Variants in BMP6 observed in about 807,000 individuals in gnomAD.
BMP6 encodes VG-1-R.
Under a neutral mutation model 54.1 loss-of-function variants are expected in BMP6, and 17 were observed. That is an observed-to-expected ratio of 0.31 (90% CI 0.22 to 0.47). BMP6 has a LOEUF of 0.47. Among genes scored for constraint, BMP6 ranks in the 20% least tolerant of loss-of-function variants. The pLI is 1.00. For synonymous variants in BMP6, 328 were observed against 291.2 expected (o/e 1.13, Z -1.28); for missense variants, 720 against 690.4 (o/e 1.04, Z -0.48).
At chr6:7,775,979 A>G (rs1406979134) in intron 1 of BMP6, among the ~76,000 whole-genome samples, 1 of 152,228 alleles carries the variant, frequency 6.6e-6, no homozygotes, top group African/African-American at 2.4e-5. Flanking sequence ...CTCTACGTCC[A>G]TACCACCCTG....
intron 1 of BMP6, among the ~76,000 whole-genome samples, chr6:7,760,002 G>T (rs1277935292): frequency 1.3e-5 from 2 of 150,336 alleles, no homozygotes; most frequent in African/African-American, 2.4e-5. Context: ...ACTACACCTG[G>T]CCTCTTTCTT....
chr6:7,744,793 G>C (rs1308669127), intron 1 of BMP6, among the ~76,000 whole-genome samples: 1 of 152,102 alleles, frequency 6.6e-6, no homozygotes, highest in Non-Finnish European at 1.5e-5. Flanking sequence ...TTCCTTTCTG[G>C]GATGCCCCAG....
In BMP6 at chr6:7,881,468, T is replaced by C. The variant is rs1321927242; in HGVS notation, c.*1125T>C. 6.6e-6 allele frequency: 1 copy of C among 152,644 alleles called. No homozygotes were observed. Among genetic ancestry groups the C allele is most frequent in the Admixed American group, 6.5e-5 (1 of 15,286 alleles). The allele number at this position is 152,644 out of a possible 1,614,324, so 9.5% of individuals were successfully genotyped here. On this transcript the variant is annotated 3_prime_UTR_variant, in exon 7 of 7. Transcript: ENST00000283147. ...TTTTGTAAATATAAACTATAATTTATTGTCTATTTTATATCTGTTTTGCTG... is the reference window on the plus strand; with the variant it reads ...TTTTGTAAATATAAACTATAATTTACTGTCTATTTTATATCTGTTTTGCTG...
intron 1 of BMP6, among the ~76,000 whole-genome samples, chr6:7,770,234 C>T (rs1250463615): frequency 6.6e-6 from 1 of 152,118 alleles, no homozygotes; most frequent in African/African-American, 2.4e-5. Context: ...TAAGCCACAT[C>T]CTGTTTTTAA....
chr6:7,861,735 TGA>T, intron 3 of BMP6, 136 bp downstream of exon 3: 1 of 1,292,852 alleles, frequency 7.7e-7, no homozygotes, highest in East Asian at 2.4e-5. Context: ...TGATCCCCCA[TGA>T]CTTGCATTGA....
At chr6:7,870,949 C>A (rs934691408) in intron 4 of BMP6, among the ~76,000 whole-genome samples, 1 of 152,216 alleles carries the variant, frequency 6.6e-6, no homozygotes, top group Non-Finnish European at 1.5e-5. Context: ...CTTTAGAGTT[C>A]ATCTCCATCC....
chr6:7,878,939 G>T (rs1284609180), intron 4 of BMP6, 135 bp from the exon 5 acceptor site: 29 of 835,434 alleles, frequency 3.5e-5, no homozygotes, highest in East Asian at 2.4e-4. Context: ...GTAGCTGTTG[G>T]GTGACCATAC....
In BMP6 at chr6:7,881,055, T is replaced by TA. The variant is rs1759714041; in HGVS notation, c.*714dup. On this transcript the variant is annotated 3_prime_UTR_variant, in exon 7 of 7. Transcript: ENST00000283147. ...CTGAGGTGAGGCTACAAGGGGTGTG[T>TA]AACCGTGTAACACGTGAAGGCAATG... 1 of 152,574 alleles carries TA rather than the reference T, an allele frequency of 6.6e-6. No individual in the cohort carries two copies. The highest frequency in any genetic ancestry group is 6.5e-5 in the Admixed American group (1 of 15,326). 9.5% of individuals were successfully genotyped at this position (152,574 alleles called of 1,614,324 possible). A position where few individuals can be genotyped will look rare whatever the true frequency, so the allele number is the denominator to read the frequency against.
At chr6:7,836,110 T>G (rs1460295726) in intron 1 of BMP6, among the ~76,000 whole-genome samples, 1 of 152,116 alleles carries the variant, frequency 6.6e-6, no homozygotes, top group Non-Finnish European at 1.5e-5. Context: ...AGTGCTGGAA[T>G]TACCCGTGTG....
Position 7,727,236 on chromosome 6 carries a change from G to GGCCCCT in BMP6, c.284_289dup (p.Pro95_Leu96dup), listed in dbSNP as rs751662817. Reference sequence around the variant, plus strand: ...GTGCTGGGGCTCCCGCACCGGCCCCGGCCCCTGCACGGCCTCCAACAGCCG... The same window carrying GGCCCCT: ...GTGCTGGGGCTCCCGCACCGGCCCCGGCCCCTGCCCCTGCACGGCCTCCAACAGCCG... On this transcript the variant is annotated inframe_insertion, in exon 1 of 7. Transcript: ENST00000283147. 8.7e-6 allele frequency: 14 copies of GGCCCCT among 1,606,406 alleles called. No homozygotes were observed. Among genetic ancestry groups the GGCCCCT allele is most frequent in the Non-Finnish European group, 1.2e-5 (14 of 1,177,180 alleles).
intron 4 of BMP6, 51 bp downstream of exon 4, chr6:7,862,549 A>G: frequency 6.2e-7 from 1 of 1,603,836 alleles, no homozygotes; most frequent in Non-Finnish European, 8.5e-7. Context: ...GGCCTCAGTG[A>G]GAACAAAAGT....
intron 1 of BMP6, among the ~76,000 whole-genome samples, chr6:7,833,398 G>C (rs1276732342): frequency 6.6e-6 from 1 of 152,190 alleles, no homozygotes; most frequent in Non-Finnish European, 1.5e-5. Context: ...ATTTAGGGTG[G>C]CAGGGTAGAC....
chr6:7,820,834 A>G (rs1195297314), intron 1 of BMP6, among the ~76,000 whole-genome samples: 2 of 152,106 alleles, frequency 1.3e-5, no homozygotes, highest in Non-Finnish European at 1.5e-5. Context: ...TTTGGGATGA[A>G]ACTGTTCTAC....
chr6:7,842,983 T>C (rs1308892003), intron 1 of BMP6, among the ~76,000 whole-genome samples: 2 of 152,248 alleles, frequency 1.3e-5, no homozygotes, highest in Non-Finnish European at 2.9e-5. Flanking sequence ...GACTGTTTTT[T>C]AGAAAGTCTC....
At chr6:7,788,506 C>G (rs112924062) in intron 1 of BMP6, among the ~76,000 whole-genome samples, 1 of 151,940 alleles carries the variant, frequency 6.6e-6, no homozygotes, top group Non-Finnish European at 1.5e-5. Context: ...GTTTTTATGC[C>G]GAGAACTAAA....
In BMP6 at chr6:7,727,369, T is replaced by G; in HGVS notation, c.414T>G (p.Asp138Glu). ...AGTCCGCGCCCCTCTTCATGCTGGA[T>G]CTGTACAACGCCCTGTCCGCCGACA... ...RLKSAPLFML[D>E]LYNALSADND... The change falls in exon 1 of 7, where the codon GAT (aspartate) becomes GAG (glutamate). Residue 138 changes from aspartate (D) to glutamate (E), a missense_variant. Physicochemically the swap from Asp to Glu is conservative, Grantham distance 45. Coordinates refer to ENST00000283147, the MANE Select transcript of BMP6 (RefSeq NM_001718.6). 1 of 1,609,876 alleles carries G rather than the reference T, an allele frequency of 6.2e-7. No homozygotes were observed. The highest frequency in any genetic ancestry group is 8.5e-7 in the Non-Finnish European group (1 of 1,178,836).
chr6:7,735,988 T>C (rs1761950718), intron 1 of BMP6, among the ~76,000 whole-genome samples: 2 of 152,142 alleles, frequency 1.3e-5, no homozygotes, highest in Non-Finnish European at 2.9e-5. Flanking sequence ...ATAAAATACC[T>C]CAGTTGAAGA....
Position 7,741,790 on chromosome 6 carries a change from C to T in BMP6, c.664+14171C>T, listed in dbSNP as rs75546228. Among the ~76,000 whole-genome samples, 1,410 of 152,336 alleles carry T rather than the reference C, an allele frequency of 9.3e-3. 26 individuals carry two copies. The highest frequency in any genetic ancestry group is 0.025 in the African/African-American group (1,020 of 41,576). On this transcript the variant is annotated intron_variant, in intron 1 of 6. Coordinates refer to ENST00000283147, the MANE Select transcript of BMP6 (RefSeq NM_001718.6). ...GCAGCTGAGCTGCATGAGGCTTCAA[C>T]GAAGGAGTTGGAGGTCTGAAGTTCC...
intron 1 of BMP6, among the ~76,000 whole-genome samples, chr6:7,759,321 G>GGGGACGT (rs1757572389): frequency 6.6e-6 from 1 of 152,162 alleles, no homozygotes; most frequent in African/African-American, 2.4e-5. Flanking sequence ...TCCACGTGGA[G>GGGGACGT]GGGACGTCTG....
Sources: gnomAD v4.1 joint callset for allele counts (sites outside exome capture counted in the v4.1 genomes callset) on GRCh38, gnomAD v4.1.1 for gene constraint, MANE v1.5 for transcripts, NCBI Gene and HGNC (gene_info 2026-07-23, HGNC 2026-07-21) for gene names.